The following ZNF589 variants were observed in gnomAD, a reference collection of about 807,000 sequenced individuals.
ZNF589 encodes KRAB-zinc finger protein SZF1-1.
Under a neutral mutation model 13.6 loss-of-function variants are expected in ZNF589, and 17 were observed. The observed-to-expected ratio is 1.25, with a 90% CI of 0.86 to 1.88. ZNF589 has a LOEUF of 1.88. Among genes scored for constraint, ZNF589 ranks in the 40% most tolerant of loss-of-function variants. ZNF589 has a pLI of 0.00. For synonymous variants in ZNF589, 148 were observed against 161.6 expected (o/e 0.92, Z 0.64); for missense variants, 407 against 434.0 (o/e 0.94, Z 0.55).
chr3:48,260,449 C>T (rs997798399), intron 2 of ZNF589, among the ~76,000 whole-genome samples: 4 of 152,096 alleles, frequency 2.6e-5, no homozygotes, highest in Non-Finnish European at 4.4e-5. Flanking sequence ...CACTCTGTCA[C>T]CCACGCTGGA....
intron 1 of ZNF589, among the ~76,000 whole-genome samples, chr3:48,242,313 T>C (rs1160848417): frequency 6.6e-6 from 1 of 152,036 alleles, no homozygotes; most frequent in Non-Finnish European, 1.5e-5. Flanking sequence ...GGTTTCATCA[T>C]GTTGGCCAGG....
chr3:48,242,364 G>A (rs892776337), intron 1 of ZNF589, among the ~76,000 whole-genome samples: 6 of 151,922 alleles, frequency 3.9e-5, no homozygotes, highest in African/African-American at 1.2e-4. Flanking sequence ...CACCTGCCTC[G>A]GCCTCCCAAA....
chr3:48,263,231 T>C (rs1247345394), intron 3 of ZNF589, among the ~76,000 whole-genome samples: 1 of 151,986 alleles, frequency 6.6e-6, no homozygotes, highest in Non-Finnish European at 1.5e-5. Context: ...TGCCTCAGCC[T>C]CCTGAGTAGC....
intron 2 of ZNF589, among the ~76,000 whole-genome samples, chr3:48,259,512 C>T (rs913429164): frequency 6.6e-6 from 1 of 152,080 alleles, no homozygotes; most frequent in Non-Finnish European, 1.5e-5. Context: ...TCCTAGAGTG[C>T]CAAGGACCAC....
Position 48,270,199 on chromosome 3 carries a change from C to G in ZNF589, c.*1413C>G. The G allele has an allele frequency of 4.4e-6, 2 of 457,254 alleles. 1 individual carries two copies. The highest frequency in any genetic ancestry group is 3.1e-5 in the South Asian group (2 of 64,566). The allele number at this position is 457,254 out of a possible 1,614,324, so 28.3% of individuals were successfully genotyped here. Reference sequence around the variant, plus strand: ...CCACCTTTAGATTTTACTCAGAGTTCAGTCTCCAGCCCTACAATCTGAGGG... The same window carrying G: ...CCACCTTTAGATTTTACTCAGAGTTGAGTCTCCAGCCCTACAATCTGAGGG... On this transcript the variant is annotated 3_prime_UTR_variant, in exon 4 of 4. Transcript: ENST00000354698.
rs974336410 is a variant in ZNF589, at chr3:48,253,666, A to AT, written c.96+5998dup. 1.5e-4 allele frequency among the ~76,000 whole-genome samples: 23 copies of AT among 150,792 alleles called. 1 individual carries two copies. The highest frequency in any genetic ancestry group is 3.4e-3 in the Middle Eastern group (1 of 294). ...AGGCGGCTGCCACCACGCTAGGCTA[A>AT]TTTTTTTTTGTATTTTTAGTAGAGA... On this transcript the variant is annotated intron_variant, in intron 2 of 3. Coordinates refer to ENST00000354698, the MANE Select transcript of ZNF589 (RefSeq NM_016089.3).
rs759798596 is a variant in ZNF589 at position 48,260,936 on chromosome 3, T to C, written c.220T>C (p.Leu74=). Residue 74 remains leucine (L), a synonymous_variant, in exon 3 of 4, where the codon TTG becomes CTG. Coordinates refer to ENST00000354698, the MANE Select transcript of ZNF589 (RefSeq NM_016089.3). The part of the protein sequence containing the change: ...MLENLRNLVS[L]AESKPEVHTC... ...GGAAAATCTCAGGAATCTGGTCTCA[T>C]TGGGTAAGGACATGTTCTCTTCCTT... is the stretch of plus-strand genomic sequence containing the variant. 25 of 1,613,970 alleles carry C rather than the reference T, an allele frequency of 1.5e-5. No individual in the cohort carries two copies. The Admixed American group carries it at 2.5e-4, about 16-fold the overall frequency.
In ZNF589 at chr3:48,269,449, TG is replaced by T. The variant is rs2034065410; in HGVS notation, c.*667del. On this transcript the variant is annotated 3_prime_UTR_variant, in exon 4 of 4. Coordinates refer to ENST00000354698, the MANE Select transcript of ZNF589 (RefSeq NM_016089.3). ...ATTCAGGGGAGAAGCCTTATGTGTGTGGGGAATGTGGGCGGGGATTTGGCCG... is the reference window on the plus strand; with the variant it reads ...ATTCAGGGGAGAAGCCTTATGTGTGTGGGAATGTGGGCGGGGATTTGGCCG... 1 of 422,274 alleles carries T rather than the reference TG, an allele frequency of 2.4e-6. No homozygotes were observed. Among genetic ancestry groups the T allele is most frequent in the East Asian group, 4.9e-5 (1 of 20,464 alleles). The allele number at this position is 422,274 out of a possible 1,614,324, so 26.2% of individuals were successfully genotyped here.
At chr3:48,250,306 CTTTTTTTTT>C (rs34016179) in intron 2 of ZNF589, among the ~76,000 whole-genome samples, 7 of 116,856 alleles carry the variant, frequency 6.0e-5, no homozygotes, top group East Asian at 2.4e-4. Context: ...TCTCTACTTT[CTTTTTTTTT>C]TTTTTTTTTT....
At position 48,260,854 on chromosome 3, in the gene ZNF589, G is replaced by A. The variant is rs777874215; in HGVS notation, c.138G>A (p.Glu46=). Residue 46 remains glutamate (E), a synonymous_variant, in exon 3 of 4, where the codon GAG becomes GAA. Transcript: ENST00000354698. The part of the protein sequence containing the change: ...TFEDVAVLFT[E]AEWKRLSLEQ... ...AGGATGTGGCTGTGCTTTTCACTGA[G>A]GCAGAGTGGAAGAGACTGAGCCTTG... 6.2e-7 allele frequency: 1 copy of A among 1,614,154 alleles called. No homozygotes were observed. The highest frequency in any genetic ancestry group is 2.2e-5 in the East Asian group (1 of 44,888).
At chr3:48,243,695 C>T (rs1299931630) in intron 1 of ZNF589, among the ~76,000 whole-genome samples, 1 of 151,560 alleles carries the variant, frequency 6.6e-6, no homozygotes, top group Non-Finnish European at 1.5e-5. Flanking sequence ...CTTGTAATCC[C>T]AGCTACTCAG....
rs1315182482 is a variant in ZNF589, at chr3:48,241,171, G to C, written c.-1G>C. 1.9e-6 allele frequency: 3 copies of C among 1,613,092 alleles called. No individual in the cohort carries two copies. The highest frequency in any genetic ancestry group is 1.7e-6 in the Non-Finnish European group (2 of 1,179,724). ...TGCTTCGTGCGTGCGTGCGCGCGCA[G>C]ATGTGGGCCCCGCGGGAGCAGCTAC... is the stretch of plus-strand genomic sequence containing the variant. On this transcript the variant is annotated 5_prime_UTR_variant, in exon 1 of 4. Transcript: ENST00000354698.
At position 48,268,783 on chromosome 3, in the gene ZNF589, T is replaced by TG; in HGVS notation, c.1092_1093insG (p.Ter365ValfsTer21). The TG allele has an allele frequency of 6.2e-7, 1 of 1,608,478 alleles. No individual in the cohort carries two copies. The highest frequency in any genetic ancestry group is 8.5e-7 in the Non-Finnish European group (1 of 1,177,462). On this transcript the variant is annotated frameshift_variant, in exon 4 of 4. Coordinates refer to ENST00000354698, the MANE Select transcript of ZNF589 (RefSeq NM_016089.3). LOFTEE classifies it high-confidence loss of function. ...GGGATAAGCCTTATGTGTGCAGAGA[T>TG]TGAGGCCGAGGCTTTGTAAGGAGAT...
intron 3 of ZNF589, among the ~76,000 whole-genome samples, chr3:48,264,029 G>T (rs561439367): frequency 1.3e-5 from 2 of 152,250 alleles, no homozygotes; most frequent in East Asian, 3.9e-4. Flanking sequence ...TGGGAGAAGG[G>T]TTCTGTAGAC....
chr3:48,244,768 A>G (rs939328112), intron 1 of ZNF589, among the ~76,000 whole-genome samples: 12 of 149,134 alleles, frequency 8.0e-5, no homozygotes, highest in South Asian at 2.1e-4. Context: ...TAACTGCACT[A>G]TTACTCTGGG....
chr3:48,255,237 G>A (rs949520884), intron 2 of ZNF589, among the ~76,000 whole-genome samples: 1 of 150,428 alleles, frequency 6.6e-6, no homozygotes, highest in African/African-American at 2.5e-5. Flanking sequence ...GTGCAGCAGC[G>A]CCATCTTGGT....
At chr3:48,255,000 T>C (rs966762435) in intron 2 of ZNF589, among the ~76,000 whole-genome samples, 17 of 152,172 alleles carry the variant, frequency 1.1e-4, no homozygotes, top group South Asian at 6.2e-4. Context: ...GCTAGGACTT[T>C]CAGTACAATG....
intron 2 of ZNF589, among the ~76,000 whole-genome samples, chr3:48,253,500 T>A (rs2033863392): frequency 2.9e-3 from 1 of 344 alleles, no homozygotes; most frequent in Non-Finnish European, 0.011. Flanking sequence ...ATATTTTTCT[T>A]TTTTTTTTTT....
At chr3:48,248,837 A>T (rs1171491126) in intron 2 of ZNF589, among the ~76,000 whole-genome samples, 4 of 152,226 alleles carry the variant, frequency 2.6e-5, no homozygotes, top group Admixed American at 6.5e-5. Flanking sequence ...GTTTGGATTG[A>T]TAATCAAATT....
Sources: allele counts gnomAD v4.1 joint callset (sites outside exome capture counted in the v4.1 genomes callset), GRCh38; gene constraint gnomAD v4.1.1; transcripts MANE v1.5; gene names NCBI Gene and HGNC (gene_info 2026-07-23, HGNC 2026-07-21).